The following PTPRA variants were observed in gnomAD, a reference collection of about 807,000 sequenced individuals.
PTPRA encodes the protein protein tyrosine phosphatase receptor type A.
A neutral mutation model predicts 104.8 loss-of-function variants in PTPRA; 25 were observed. The observed-to-expected ratio is 0.24, with a 90% confidence interval of 0.17 to 0.33. PTPRA has a LOEUF of 0.33. PTPRA is among the 10% of genes least tolerant of loss of function. The pLI, the probability that PTPRA is intolerant of heterozygous loss-of-function variation, is 1.00. For missense variants in PTPRA, 765 were observed against 1,015.3 expected (o/e 0.75, Z 3.35); for synonymous variants, 323 against 368.9 (o/e 0.88, Z 1.43).
chr20:2,880,970 T>C (rs1366204350), intron 1 of PTPRA, among the ~76,000 whole-genome samples: 2 of 151,606 alleles, frequency 1.3e-5, no homozygotes, highest in Admixed American at 1.3e-4. Context: ...ATTGCACCAC[T>C]GTACTCCAGC....
intron 9 of PTPRA, among the ~76,000 whole-genome samples, chr20:2,993,455 C>G (rs1027939045): frequency 3.9e-5 from 6 of 152,304 alleles, no homozygotes; most frequent in African/African-American, 1.4e-4. Flanking sequence ...CAGACAAAAT[C>G]TTGATGAACC....
intron 20 of PTPRA, among the ~76,000 whole-genome samples, chr20:3,032,533 C>G (rs573176786): frequency 6.6e-6 from 1 of 152,038 alleles, no homozygotes; most frequent in Non-Finnish European, 1.5e-5. Context: ...TTTGGGAGGC[C>G]AAGGTGGGCG....
chr20:2,977,601 C>T (rs989209404), intron 6 of PTPRA, among the ~76,000 whole-genome samples: 7 of 151,036 alleles, frequency 4.6e-5, no homozygotes, highest in African/African-American at 7.3e-5. Context: ...GCCAAGATTG[C>T]GTGACTGTAC....
rs180795674 is a variant in PTPRA, at chr20:3,033,855, G to A, written c.1921-1730G>A. Among the ~76,000 whole-genome samples the A allele has an allele frequency of 9.6e-4, 142 of 147,264 alleles. 2 individuals carry two copies. In the East Asian group the frequency reaches 0.024, roughly 25 times the overall value. On this transcript the variant is annotated intron_variant, in intron 20 of 23. Transcript: ENST00000399903. The stretch of plus-strand genomic sequence containing the variant: ...CCGGAGGTTGCAGTGAGCCAAGATC[G>A]CGCCATTGCACTCCAGCGTGGGCAA...
chr20:2,925,389 A>G (rs1166275249), intron 2 of PTPRA, among the ~76,000 whole-genome samples: 1 of 152,258 alleles, frequency 6.6e-6, no homozygotes, highest in African/African-American at 2.4e-5. Context: ...TGTAGCATAT[A>G]TCAGAATTTA....
intron 9 of PTPRA, among the ~76,000 whole-genome samples, chr20:2,999,371 A>G (rs2063535250): frequency 6.6e-6 from 1 of 152,224 alleles, no homozygotes; most frequent in Admixed American, 6.5e-5. Flanking sequence ...TAAAATTTAT[A>G]TGGAGGAGAA....
intron 1 of PTPRA, among the ~76,000 whole-genome samples, chr20:2,907,603 C>T (rs540885402): frequency 6.6e-6 from 1 of 152,182 alleles, no homozygotes; most frequent in Non-Finnish European, 1.5e-5. Context: ...TCAATGATAA[C>T]GTATCTGAGA....
intron 1 of PTPRA, among the ~76,000 whole-genome samples, chr20:2,902,026 C>T (rs2059257585): frequency 6.6e-6 from 1 of 151,968 alleles, no homozygotes; most frequent in Non-Finnish European, 1.5e-5. Context: ...CCTGGGACTA[C>T]AGGTGAGCAT....
At chr20:2,882,296 C>CTTT (rs563182313) in intron 1 of PTPRA, among the ~76,000 whole-genome samples, 4 of 139,338 alleles carry the variant, frequency 2.9e-5, no homozygotes, top group African/African-American at 1.1e-4. Context: ...TTCTTTCTTT[C>CTTT]TTTTTTTTTT....
chr20:2,898,359 C>T (rs1378567686), intron 1 of PTPRA, among the ~76,000 whole-genome samples: 3 of 151,676 alleles, frequency 2.0e-5, no homozygotes, highest in Admixed American at 1.3e-4. Flanking sequence ...GGATTACAGG[C>T]GTGAGCCACC....
chr20:2,912,639 CA>C (rs1208184168), intron 1 of PTPRA, among the ~76,000 whole-genome samples: 2 of 152,064 alleles, frequency 1.3e-5, no homozygotes, highest in African/African-American at 4.8e-5. Flanking sequence ...CAGACAACGA[CA>C]AAAAACCCTA....
In PTPRA at chr20:2,883,974, A is replaced by G. The variant is rs547168441; in HGVS notation, c.-129+10214A>G. 2.0e-5 allele frequency among the ~76,000 whole-genome samples: 3 copies of G among 152,306 alleles called. No homozygotes were observed. The South Asian group carries it at 6.2e-4, about 32-fold the overall frequency. Reference sequence around the variant, plus strand: ...GATTTGCCTATTCTGGACATTTCATATAAATGAAATCATACAATATGTGAC... The same window carrying G: ...GATTTGCCTATTCTGGACATTTCATGTAAATGAAATCATACAATATGTGAC... On this transcript the variant is annotated intron_variant, in intron 1 of 23. Coordinates refer to ENST00000399903, the MANE Select transcript of PTPRA (RefSeq NM_001385305.1).
intron 2 of PTPRA, among the ~76,000 whole-genome samples, chr20:2,926,769 C>CTTTTTTTTTTTTTTCTTT (rs2060312177): frequency 1.2e-5 from 1 of 85,020 alleles, no homozygotes; most frequent in Non-Finnish European, 2.1e-5. Flanking sequence ...TTTCCTTTTC[C>CTTTTTTTTTTTTTTCTTT]TTTTTTTTTT....
At position 3,005,065 on chromosome 20, in the gene PTPRA, G is replaced by A. The variant is rs1568691444; in HGVS notation, c.748G>A (p.Ala250Thr). The A allele has an allele frequency of 6.2e-7, 1 of 1,605,578 alleles. No individual in the cohort carries two copies. Among genetic ancestry groups the A allele is most frequent in the Non-Finnish European group, 8.5e-7 (1 of 1,172,376 alleles). The change falls in exon 10 of 24, where the codon GCA (alanine) becomes ACA (threonine). Residue 250 changes from alanine (A) to threonine (T), a missense_variant. By Grantham distance (58) the Ala-to-Thr change is moderately conservative. Around this residue, in one of 4 missense-constraint regions of PTPRA, gnomAD observed 245 missense variants for 398.7 expected, o/e 0.61. Coordinates refer to ENST00000399903, the MANE Select transcript of PTPRA (RefSeq NM_001385305.1). Reference protein sequence around the residue: ...LFREEFNALPACPIQATCEAA... With the variant: ...LFREEFNALPTCPIQATCEAA... ...TCTCTTAACCTTTCAGGCTCTCCCT[G>A]CATGTCCTATCCAGGCCACCTGTGA...
intron 1 of PTPRA, among the ~76,000 whole-genome samples, chr20:2,884,247 G>A (rs977261735): frequency 7.3e-5 from 11 of 151,702 alleles, no homozygotes; most frequent in Non-Finnish European, 1.5e-4. Context: ...TTTCTCTTGG[G>A]TATATATATA....
At chr20:2,996,103 CA>C (rs1282541990) in intron 9 of PTPRA, among the ~76,000 whole-genome samples, 1 of 152,184 alleles carries the variant, frequency 6.6e-6, no homozygotes, top group African/African-American at 2.4e-5. Flanking sequence ...ATTGCTAAAT[CA>C]GTTAAGGTCC....
Position 3,015,868 on chromosome 20 carries a change from A to T in PTPRA, c.926A>T (p.Lys309Ile). 6.4e-7 allele frequency: 1 copy of T among 1,565,280 alleles called. No homozygotes were observed. The highest frequency in any genetic ancestry group is 8.8e-7 in the Non-Finnish European group (1 of 1,136,090). Residue 309 changes from lysine (K) to isoleucine (I), a missense_variant, in exon 12 of 24, where the codon AAA (lysine) becomes ATA (isoleucine). By Grantham distance (102) the Lys-to-Ile change is moderately radical (BLOSUM62 -3). Transcript: ENST00000399903. ...SFINGYQEKNKFIAAQGPKEE... is the reference protein window; with the variant it reads ...SFINGYQEKNIFIAAQGPKEE... ...CCCCAGGGCTACCAAGAAAAGAACA[A>T]ATTCATTGCTGCACAAGGTAAAGTA... is the stretch of plus-strand genomic sequence containing the variant.
intron 9 of PTPRA, among the ~76,000 whole-genome samples, chr20:2,998,080 A>G (rs2063472769): frequency 1.3e-5 from 2 of 151,604 alleles, no homozygotes; most frequent in Admixed American, 6.6e-5. Flanking sequence ...AGTGTGAGCT[A>G]TAGTGCTAAC....
At chr20:2,955,443 G>A (rs1042482249) in intron 3 of PTPRA, among the ~76,000 whole-genome samples, 2 of 152,198 alleles carry the variant, frequency 1.3e-5, no homozygotes, top group African/African-American at 2.4e-5. Context: ...AGCCTTAGTA[G>A]TCTAGTTTCA....
Sources: allele counts gnomAD v4.1 joint callset (sites outside exome capture counted in the v4.1 genomes callset), GRCh38; gene constraint gnomAD v4.1.1; regional missense constraint gnomAD v4.1.1; transcripts MANE v1.5; gene names NCBI Gene and HGNC (gene_info 2026-07-23, HGNC 2026-07-21).